JAKMIP2: variants seen among roughly 807,000 people sequenced by gnomAD.
The protein encoded by JAKMIP2 is janus kinase and microtubule-interacting protein 2.
JAKMIP2 carries 25 observed loss-of-function variants against 115.0 expected under a neutral mutation model. The ratio of observed to expected loss-of-function variants is 0.22; its 90% CI spans 0.16 to 0.30. The LOEUF is 0.30. JAKMIP2 is among the 10% of genes least tolerant of loss of function. The probability of loss-of-function intolerance (pLI) is 1.00; values close to 1 mark genes in which losing one functional copy is unlikely to be tolerated. For missense variants in JAKMIP2, 642 were observed against 957.6 expected (o/e 0.67, Z 4.35); for synonymous variants, 334 against 343.6 (o/e 0.97, Z 0.31).
At chr5:147,650,758 T>C (rs1343126899) in intron 3 of JAKMIP2, among the ~76,000 whole-genome samples, 4 of 152,152 alleles carry the variant, frequency 2.6e-5, no homozygotes, top group African/African-American at 9.7e-5. Flanking sequence ...AGTAATTTTT[T>C]TTCTCTCTAG....
Position 147,631,499 on chromosome 5 carries a change from G to GTC in JAKMIP2, c.1787_1788dup (p.Arg597AspfsTer17). The stretch of plus-strand genomic sequence containing the variant: ...ATTTGGAGATTAAATGGAGGGGATC[G>GTC]TCTCTCTCTCTCCTTGAAACACAGT... On this transcript the variant is annotated frameshift_variant, in exon 14 of 22. Coordinates refer to ENST00000616793, the MANE Select transcript of JAKMIP2 (RefSeq NM_001270941.2). LOFTEE classifies it high-confidence loss of function. 11 of 1,604,464 alleles carry GTC rather than the reference G, an allele frequency of 6.9e-6. No homozygotes were observed. The highest frequency in any genetic ancestry group is 8.5e-6 in the Non-Finnish European group (10 of 1,171,714).
intron 1 of JAKMIP2, among the ~76,000 whole-genome samples, chr5:147,743,508 A>C (rs1754228176): frequency 6.6e-6 from 1 of 152,220 alleles, no homozygotes; most frequent in Non-Finnish European, 1.5e-5. Context: ...TAATGGGATT[A>C]GGTTGAGGTT....
rs1224762731 is a variant in JAKMIP2 at position 147,644,804 on chromosome 5, A to G, written c.1083+46T>C. Reference sequence around the variant, plus strand: ...TGGCAATAAGTCAGGTTATTAAGGTAATATAATCAAGGAAGCTGCAGTTTT... The same window carrying G: ...TGGCAATAAGTCAGGTTATTAAGGTGATATAATCAAGGAAGCTGCAGTTTT... On this transcript the variant is annotated intron_variant, in intron 6 of 21. Transcript: ENST00000616793. 7 of 1,520,042 alleles carry G rather than the reference A, an allele frequency of 4.6e-6. No individual in the cohort carries two copies. In the Admixed American group the frequency reaches 1.1e-4, roughly 24 times the overall value. 94.2% of individuals were successfully genotyped at this position (1,520,042 alleles called of 1,614,324 possible). A position where few individuals can be genotyped will look rare whatever the true frequency, so the allele number is the denominator to read the frequency against.
intron 1 of JAKMIP2, among the ~76,000 whole-genome samples, chr5:147,683,535 A>G (rs1760412932): frequency 6.6e-6 from 1 of 152,126 alleles, no homozygotes; most frequent in African/African-American, 2.4e-5. Context: ...AAAAATCCCT[A>G]GCATGTAAAG....
chr5:147,633,849 C>T (rs1014327804), intron 12 of JAKMIP2, among the ~76,000 whole-genome samples: 2 of 152,108 alleles, frequency 1.3e-5, no homozygotes, highest in East Asian at 3.9e-4. Flanking sequence ...GCCACCAGGC[C>T]TGGCTAATTT....
chr5:147,640,537 C>G lies in JAKMIP2; in HGVS notation c.1401+167G>C, dbSNP rs536251554. Among the ~76,000 whole-genome samples, 12 of 152,312 alleles carry G rather than the reference C, an allele frequency of 7.9e-5. No homozygotes were observed. In the East Asian group the frequency reaches 2.3e-3, roughly 29 times the overall value. ...AAAGGTTTACCTGCTATAAGTGAAGCTATTTTTCAAGAGATAATAAAGTGC... is the reference window on the plus strand; with the variant it reads ...AAAGGTTTACCTGCTATAAGTGAAGGTATTTTTCAAGAGATAATAAAGTGC... On this transcript the variant is annotated intron_variant, in intron 9 of 21. Coordinates refer to ENST00000616793, the MANE Select transcript of JAKMIP2 (RefSeq NM_001270941.2).
At chr5:147,678,334 T>G (rs1760085226) in intron 1 of JAKMIP2, among the ~76,000 whole-genome samples, 2 of 152,152 alleles carry the variant, frequency 1.3e-5, no homozygotes. Context: ...CATTCCACTC[T>G]CTGCTACTGT....
Position 147,591,679 on chromosome 5 carries a change from C to T in JAKMIP2, c.*28G>A, listed in dbSNP as rs200186316. 6.9e-6 allele frequency: 11 copies of T among 1,591,648 alleles called. No individual in the cohort carries two copies. Among genetic ancestry groups the T allele is most frequent in the African/African-American group, 2.7e-5 (2 of 74,220 alleles). ...CTTCCTGGGATCTTATCCATGTTTT[C>T]GGTTACTCTGCAAAACAGAGGAAAA... On this transcript the variant is annotated 3_prime_UTR_variant, in exon 22 of 22. Coordinates refer to ENST00000616793, the MANE Select transcript of JAKMIP2 (RefSeq NM_001270941.2).
intron 1 of JAKMIP2, among the ~76,000 whole-genome samples, chr5:147,688,740 C>A (rs148263831): frequency 6.6e-6 from 1 of 152,100 alleles, no homozygotes; most frequent in South Asian, 2.1e-4. Context: ...GGAATAAGGC[C>A]GGTAAAGCGT....
intron 19 of JAKMIP2, among the ~76,000 whole-genome samples, chr5:147,613,544 T>C (rs901567730): frequency 6.6e-6 from 1 of 152,182 alleles, no homozygotes; most frequent in Admixed American, 6.5e-5. Context: ...TGTTTATTTA[T>C]TTTAAGTTGT....
At chr5:147,704,904 G>T (rs562876811) in intron 1 of JAKMIP2, among the ~76,000 whole-genome samples, 1 of 152,234 alleles carries the variant, frequency 6.6e-6, no homozygotes, top group East Asian at 1.9e-4. Context: ...TTTTCTCAAG[G>T]ATGCAGCATT....
chr5:147,616,581 G>C (rs1260586970), intron 19 of JAKMIP2, among the ~76,000 whole-genome samples: 2 of 152,160 alleles, frequency 1.3e-5, no homozygotes, highest in East Asian at 1.9e-4. Flanking sequence ...GTAATTACAT[G>C]CTATTGCAGC....
At chr5:147,628,165 G>A (rs533321710) in intron 16 of JAKMIP2, among the ~76,000 whole-genome samples, 21 of 152,080 alleles carry the variant, frequency 1.4e-4, no homozygotes, top group Non-Finnish European at 2.5e-4. Context: ...AGGACTATAG[G>A]TACATACCAT....
chr5:147,691,762 G>A (rs985302006), intron 1 of JAKMIP2, among the ~76,000 whole-genome samples: 16 of 152,276 alleles, frequency 1.1e-4, no homozygotes, highest in Admixed American at 3.9e-4. Context: ...GGTAGACCTG[G>A]AGCAAAGGCG....
chr5:147,632,751 G>T lies in JAKMIP2; in HGVS notation c.1705C>A (p.Arg569=). The change falls in exon 13 of 22, where the codon CGG becomes AGG. Residue 569 remains arginine (R), a synonymous_variant. Coordinates refer to ENST00000616793, the MANE Select transcript of JAKMIP2 (RefSeq NM_001270941.2). ...KIEKQEAENH[R]LQQELQDARD... is the part of the protein sequence containing the mutation. ...GCGTCCTGTAGTTCTTGTTGTAACC[G>T]GTGATTTTCTGCCTCCTGTTTTTCT... The T allele has an allele frequency of 6.2e-7, 1 of 1,612,512 alleles. No homozygotes were observed. The highest frequency in any genetic ancestry group is 8.5e-7 in the Non-Finnish European group (1 of 1,179,088).
chr5:147,651,819 G>T (rs957963255), intron 3 of JAKMIP2, among the ~76,000 whole-genome samples: 1 of 152,128 alleles, frequency 6.6e-6, no homozygotes, highest in African/African-American at 2.4e-5. Flanking sequence ...CCGTTAATTG[G>T]GAATAATAGC....
At chr5:147,655,016 C>T (rs1469956456) in intron 3 of JAKMIP2, among the ~76,000 whole-genome samples, 2 of 152,146 alleles carry the variant, frequency 1.3e-5, no homozygotes, top group Admixed American at 6.5e-5. Context: ...TATTGATTTG[C>T]ATACATTGAA....
At chr5:147,605,286 T>G (rs1670776525) in intron 20 of JAKMIP2, among the ~76,000 whole-genome samples, 1 of 147,692 alleles carries the variant, frequency 6.8e-6, no homozygotes, top group Non-Finnish European at 1.5e-5. Flanking sequence ...CTTGGCTCAC[T>G]GCAAGCTCCG....
intron 18 of JAKMIP2, 48 bp downstream of exon 18, chr5:147,620,618 T>C (rs978272978): frequency 2.3e-6 from 3 of 1,300,590 alleles, no homozygotes; most frequent in Non-Finnish European, 3.4e-6. Context: ...AATTCCACAG[T>C]GCATAACTGT....
Sources: allele counts gnomAD v4.1 joint callset (sites outside exome capture counted in the v4.1 genomes callset), GRCh38; gene constraint gnomAD v4.1.1; transcripts MANE v1.5; gene names NCBI Gene and HGNC (gene_info 2026-07-23, HGNC 2026-07-21).